PSG4: variants seen among roughly 807,000 people sequenced by gnomAD.
The protein encoded by PSG4 is pregnancy specific beta-1-glycoprotein 4.
Under a neutral mutation model 44.3 loss-of-function variants are expected in PSG4, and 61 were observed. That is an observed-to-expected ratio of 1.38 (90% confidence interval 1.12 to 1.70). PSG4 has a LOEUF of 1.70. Ranked by LOEUF, PSG4 falls within the 40% of genes most tolerant of loss-of-function variation. PSG4 has a pLI of 0.00. For synonymous variants in PSG4, 248 were observed against 191.3 expected, an observed-to-expected ratio of 1.30 and a Z score of -2.45; for missense variants, 677 against 511.7, an observed-to-expected ratio of 1.32 and a Z score of -3.12.
At chr19:43,194,922 C>T in intron 4 of PSG4, 73 bp downstream of exon 4, 1 of 1,584,700 alleles carries the variant, frequency 6.3e-7, no homozygotes, top group Non-Finnish European at 8.6e-7. Context: ...TGGAGAGAGA[C>T]TGAGAGACCT....
Position 43,199,215 on chromosome 19 carries a change from A to G in PSG4, c.431-940T>C, listed in dbSNP as rs1288356290. ...AGTCTTGCAGATACTTTCTCTCATT[A>G]GACATTCTACTCTCTGATTCTGAGT... On this transcript the variant is annotated intron_variant, in intron 2 of 5. Transcript: ENST00000405312. Among the ~76,000 whole-genome samples, 8 of 145,592 alleles carry G rather than the reference A, an allele frequency of 5.5e-5. 1 individual carries two copies. The highest frequency in any genetic ancestry group is 1.6e-4 in the African/African-American group (6 of 37,970).
Position 43,194,980 on chromosome 19 carries a change from A to C in PSG4, c.988+15T>G. On this transcript the variant is annotated intron_variant, in intron 4 of 5. Transcript: ENST00000405312. ...AGCTGGTGTCCTGGCCCACAGAGGA[A>C]CAAAAGATACTCACAGAGGACATTC... 1 of 1,609,244 alleles carries C rather than the reference A, an allele frequency of 6.2e-7. No homozygotes were observed. The highest frequency in any genetic ancestry group is 8.5e-7 in the Non-Finnish European group (1 of 1,177,218).
rs554253102 is a variant in PSG4, at chr19:43,195,208, T to A, written c.775A>T (p.Thr259Ser). ...TTACTCTTAGGTTCACAGGTGAAGG[T>A]TAAGACATCCTTATTCTCTCTGGGG... The part of the protein sequence containing the change: ...LNPRENKDVL[T>S]FTCEPKSKNY... The change falls in exon 4 of 6, where the codon ACC (threonine) becomes TCC (serine). Residue 259 changes from threonine to serine, a missense_variant. Transcript: ENST00000405312. The A allele has an allele frequency of 8.7e-6, 14 of 1,610,074 alleles. No homozygotes were observed. Among genetic ancestry groups the A allele is most frequent in the Non-Finnish European group, 1.1e-5 (13 of 1,178,970 alleles).
chr19:43,193,565 G>A, intron 5 of PSG4, 177 bp from the exon 6 acceptor site: 3 of 625,836 alleles, frequency 4.8e-6, no homozygotes, highest in Admixed American at 5.1e-5. Context: ...CTTCAAACGT[G>A]GTCTGATTCT....
Position 43,204,069 on chromosome 19 carries a change from C to T in PSG4, c.247G>A (p.Val83Ile), listed in dbSNP as rs775097553. ...TYLYHYITSY[V>I]VDGQRIIYGP... ...TATATAATTCTTTGACCGTCTACTA[C>T]ATATGATGTAATGTAATGGTAGAGG... The change falls in exon 2 of 6, where the codon GTA (valine) becomes ATA (isoleucine). Residue 83 changes from valine (V) to isoleucine (I), a missense_variant. Transcript: ENST00000405312. The T allele has an allele frequency of 2.0e-5, 32 of 1,586,384 alleles. 2 individuals are homozygous for T. Among genetic ancestry groups the T allele is most frequent in the South Asian group, 5.6e-5 (5 of 89,940 alleles).
At chr19:43,194,807 C>A (rs1967163599) in intron 4 of PSG4, 188 bp downstream of exon 4, 3 of 1,429,858 alleles carry the variant, frequency 2.1e-6, no homozygotes, top group Non-Finnish European at 2.8e-6. Flanking sequence ...AAGAGCGTCC[C>A]CTCCCCTTAT....
intron 2 of PSG4, among the ~76,000 whole-genome samples, chr19:43,201,659 T>A (rs1400574898): frequency 6.9e-6 from 1 of 145,112 alleles, no homozygotes; most frequent in Non-Finnish European, 1.5e-5. Flanking sequence ...TGAGCAGTAC[T>A]CAATTTTTAG....
intron 3 of PSG4, among the ~76,000 whole-genome samples, chr19:43,195,757 G>T (rs1241382242): frequency 6.6e-6 from 1 of 150,762 alleles, no homozygotes; most frequent in Non-Finnish European, 1.5e-5. Context: ...TGAAGATACT[G>T]AGCAGTCTGG....
rs568654010 is a variant in PSG4 at position 43,194,944 on chromosome 19, G to C, written c.988+51C>G. ...AGACTGAGAGACCTGGCCTCTGGTGGTTTGGATTTAAGCTGGTGTCCTGGC... is the reference window on the plus strand; with the variant it reads ...AGACTGAGAGACCTGGCCTCTGGTGCTTTGGATTTAAGCTGGTGTCCTGGC... On this transcript the variant is annotated intron_variant, in intron 4 of 5. Transcript: ENST00000405312. 4 of 1,598,388 alleles carry C rather than the reference G, an allele frequency of 2.5e-6. No homozygotes were observed. In the African/African-American group the frequency reaches 5.4e-5, roughly 22 times the overall value.
At chr19:43,198,404 G>T in intron 2 of PSG4, 129 bp from the exon 3 acceptor site, 4 of 1,419,062 alleles carry the variant, frequency 2.8e-6, no homozygotes, top group Non-Finnish European at 3.7e-6. Context: ...TGGAAGATGT[G>T]TGTGTTAAAG....
intron 3 of PSG4, 37 bp from the exon 4 acceptor site, chr19:43,195,310 C>T (rs1417750939): frequency 1.2e-6 from 2 of 1,600,694 alleles, no homozygotes; most frequent in Admixed American, 1.7e-5. Flanking sequence ...TCCTGTGTGG[C>T]ACCTTTGATT....
chr19:43,193,256 T>G lies in PSG4; in HGVS notation c.*116A>C. 5 of 767,182 alleles carry G rather than the reference T, an allele frequency of 6.5e-6. No individual in the cohort carries two copies. Among genetic ancestry groups the G allele is most frequent in the Non-Finnish European group, 1.2e-5 (5 of 417,468 alleles). 47.5% of individuals were successfully genotyped at this position (767,182 alleles called of 1,614,324 possible). On this transcript the variant is annotated 3_prime_UTR_variant, in exon 6 of 6. Transcript: ENST00000405312. The stretch of plus-strand genomic sequence containing the variant: ...GCTCACATGTCAGGTACAAGGGTTT[T>G]CCCATGAAATTTACATCGAGTTGTC...
Position 43,205,581 on chromosome 19 carries a change from G to C in PSG4, c.-45C>G. ...TTCTCCTCTGTGGAGATAAGCCTAG[G>C]ATCCAGAAGCTTCCTGAGTACGGCT... On this transcript the variant is annotated 5_prime_UTR_variant, in exon 1 of 6. The change creates a new upstream start codon in the 5' untranslated region. Coordinates refer to ENST00000405312, the MANE Select transcript of PSG4 (RefSeq NM_002780.5). 1.3e-6 allele frequency: 2 copies of C among 1,505,406 alleles called. 1 individual carries two copies. Among genetic ancestry groups the C allele is most frequent in the Non-Finnish European group, 1.8e-6 (2 of 1,121,582 alleles). 93.3% of individuals were successfully genotyped at this position (1,505,406 alleles called of 1,614,324 possible).
rs1290637154 is a variant in PSG4, at chr19:43,197,409, C to A, written c.709+588G>T. 4.8e-5 allele frequency among the ~76,000 whole-genome samples: 7 copies of A among 145,504 alleles called. 1 individual carries two copies. Among genetic ancestry groups the A allele is most frequent in the African/African-American group, 1.1e-4 (4 of 37,908 alleles). ...TGGCTGAGTTATGGATGAAACAGAC[C>A]TAAACCCCTCTATATGTTTTAGTGA... On this transcript the variant is annotated intron_variant, in intron 3 of 5. Transcript: ENST00000405312.
chr19:43,193,935 A>G (rs1967114775), intron 5 of PSG4: 1 of 752,676 alleles, frequency 1.3e-6, no homozygotes, highest in East Asian at 2.5e-5. Context: ...AGCAAAAGTA[A>G]ATGTTTCAAT....
intron 1 of PSG4, chr19:43,205,087 TCTTTTTTCTTTTTTTC>T: frequency 6.0e-6 from 1 of 166,372 alleles, no homozygotes; most frequent in Non-Finnish European, 1.1e-5. Flanking sequence ...TCCCTTTTCT[TCTTTTTTCTTTTTTTC>T]CTTTTTTCTT....
In PSG4 at chr19:43,200,432, G is replaced by A. The variant is rs187429726; in HGVS notation, c.431-2157C>T. 1.0e-3 allele frequency among the ~76,000 whole-genome samples: 145 copies of A among 145,130 alleles called. 22 individuals carry two copies. The highest frequency in any genetic ancestry group is 3.6e-3 in the African/African-American group (136 of 37,804). On this transcript the variant is annotated intron_variant, in intron 2 of 5. Transcript: ENST00000405312. ...AAATATTAAATATGAAGGCGAATAT[G>A]TTGTTCCACTTTTTTTTCCCCACCC...
chr19:43,195,112 C>A lies in PSG4; in HGVS notation c.871G>T (p.Glu291Ter), dbSNP rs936232181. 4 of 1,610,630 alleles carry A rather than the reference C, an allele frequency of 2.5e-6. No individual in the cohort carries two copies. The African/African-American group carries it at 4.0e-5, about 16-fold the overall frequency. Residue 291 changes from glutamate (E) to a stop codon, truncating the protein, a stop_gained, in exon 4 of 6, where the codon GAA becomes TAA. Transcript: ENST00000405312. LOFTEE classifies it high-confidence loss of function. ...PVSPRVKRPI[E>*]NRILILPNVT... is the part of the protein sequence containing the mutation. ...TTGGGTAGAATGAGGATCCTGTTTT[C>A]AATGGGTCGCTTTACCCTGGGACTG...
At position 43,193,005 on chromosome 19, in the gene PSG4, G is replaced by A. The variant is rs1172320160; in HGVS notation, c.*367C>T. On this transcript the variant is annotated 3_prime_UTR_variant, in exon 6 of 6. Transcript: ENST00000405312. ...ATCTGACACTCTGTTGTTACCCTCA[G>A]AAGCTACTACATGTGAAATTCTAAT... 1.8e-6 allele frequency: 1 copy of A among 545,906 alleles called. No homozygotes were observed. Among genetic ancestry groups the A allele is most frequent in the African/African-American group, 1.9e-5 (1 of 52,664 alleles). 33.8% of individuals were successfully genotyped at this position (545,906 alleles called of 1,614,324 possible).
Sources: gnomAD v4.1 joint callset for allele counts (sites outside exome capture counted in the v4.1 genomes callset) on GRCh38, gnomAD v4.1.1 for gene constraint, MANE v1.5 for transcripts, NCBI Gene and HGNC (gene_info 2026-07-23, HGNC 2026-07-21) for gene names.